The following TMCC1 variants were observed in gnomAD, a reference collection of about 807,000 sequenced individuals.
The protein encoded by TMCC1 is transmembrane and coiled-coil domains protein 1.
In TMCC1, 15 loss-of-function variants were observed where a neutral mutation model predicts 52.4. The observed-to-expected ratio is 0.29, with a 90% CI of 0.19 to 0.44. The LOEUF (loss-of-function observed/expected upper bound fraction) is 0.44, where lower values mean the gene tolerates loss of function less well. Ranked by LOEUF, TMCC1 falls within the 20% of genes least tolerant of loss-of-function variation. The probability of loss-of-function intolerance (pLI) is 1.00; values close to 1 mark genes in which losing one functional copy is unlikely to be tolerated. For synonymous variants in TMCC1, 279 were observed against 301.9 expected (o/e 0.92, Z 0.79); for missense variants, 503 against 806.0 (o/e 0.62, Z 4.55).
chr3:129,860,077 C>T (rs1026080538), intron 2 of TMCC1, among the ~76,000 whole-genome samples: 3 of 152,148 alleles, frequency 2.0e-5, no homozygotes, highest in Non-Finnish European at 4.4e-5. Context: ...TAATCTAACA[C>T]AAATATTCAA....
intron 4 of TMCC1, among the ~76,000 whole-genome samples, chr3:129,785,798 CT>C (rs2055973933): frequency 6.6e-6 from 1 of 152,080 alleles, no homozygotes; most frequent in Non-Finnish European, 1.5e-5. Context: ...AGATTTACCC[CT>C]CTATTCCCTC....
At chr3:129,782,131 G>A (rs2107727578) in intron 4 of TMCC1, among the ~76,000 whole-genome samples, 1 of 152,250 alleles carries the variant, frequency 6.6e-6, no homozygotes, top group Middle Eastern at 3.4e-3. Context: ...TGTCAAACAG[G>A]CAGCTGAGTT....
intron 4 of TMCC1, among the ~76,000 whole-genome samples, chr3:129,814,605 T>A (rs2058003383): frequency 1.3e-5 from 2 of 152,116 alleles, no homozygotes; most frequent in South Asian, 4.1e-4. Context: ...AGGCATAAAG[T>A]GGCTGAATGG....
chr3:129,816,766 G>A (rs938742779), intron 4 of TMCC1, among the ~76,000 whole-genome samples: 2 of 152,176 alleles, frequency 1.3e-5, no homozygotes, highest in African/African-American at 4.8e-5. Flanking sequence ...GCTCATGCTT[G>A]TAATCCTAAC....
At chr3:129,808,510 T>A (rs542163789) in intron 4 of TMCC1, among the ~76,000 whole-genome samples, 80 of 149,880 alleles carry the variant, frequency 5.3e-4, no homozygotes, top group African/African-American at 1.7e-3. Context: ...TAATAAAATT[T>A]AAAAAAAAGA....
intron 4 of TMCC1, among the ~76,000 whole-genome samples, chr3:129,737,295 A>G (rs79694774): frequency 0.042 from 6,380 of 152,192 alleles, 443 homozygotes; most frequent in African/African-American, 0.15. Flanking sequence ...TCTGGCCAAC[A>G]TGGCAAAACC....
intron 4 of TMCC1, among the ~76,000 whole-genome samples, chr3:129,742,688 G>T (rs921579254): frequency 6.6e-6 from 1 of 152,162 alleles, no homozygotes; most frequent in Non-Finnish European, 1.5e-5. Context: ...ACACCCAGGA[G>T]AAATGAATAA....
chr3:129,865,036 A>G (rs1046628938), intron 2 of TMCC1, among the ~76,000 whole-genome samples: 2 of 152,226 alleles, frequency 1.3e-5, no homozygotes, highest in Admixed American at 1.3e-4. Context: ...TAGGTAGGGA[A>G]ACACCACAAA....
chr3:129,732,645 T>C (rs2050633108), intron 4 of TMCC1, among the ~76,000 whole-genome samples: 1 of 152,094 alleles, frequency 6.6e-6, no homozygotes, highest in African/African-American at 2.4e-5. Flanking sequence ...ATTTCCATAA[T>C]AGTGCCTTTG....
At chr3:129,891,541 G>C (rs2108022444) in intron 1 of TMCC1, among the ~76,000 whole-genome samples, 1 of 152,216 alleles carries the variant, frequency 6.6e-6, no homozygotes, top group Admixed American at 6.5e-5. Context: ...CAAAAACCCT[G>C]GTATGTACTG....
In TMCC1 at chr3:129,828,456, T is replaced by C; in HGVS notation, c.-78A>G. ...CAAGAGTGTCAAATTAGGTAGGCAT[T>C]TGCTTCAACAGTGACTACGCATGCA... is the stretch of plus-strand genomic sequence containing the variant. On this transcript the variant is annotated 5_prime_UTR_variant, in exon 4 of 7. Transcript: ENST00000393238. This position sits in a 1 kb window ranked among gnomAD's most constrained non-coding sequence, Gnocchi z 4.1. 7.1e-7 allele frequency: 1 copy of C among 1,400,144 alleles called. No homozygotes were observed. The highest frequency in any genetic ancestry group is 9.8e-7 in the Non-Finnish European group (1 of 1,016,278). The allele number at this position is 1,400,144 out of a possible 1,614,324, so 86.7% of individuals were successfully genotyped here.
intron 4 of TMCC1, among the ~76,000 whole-genome samples, chr3:129,779,958 C>T (rs900412388): frequency 6.6e-6 from 1 of 152,128 alleles, no homozygotes; most frequent in African/African-American, 2.4e-5. Flanking sequence ...AGAGTTTATT[C>T]AATCATATTT....
chr3:129,728,880 G>A (rs1212113335), intron 4 of TMCC1, among the ~76,000 whole-genome samples: 3 of 152,156 alleles, frequency 2.0e-5, no homozygotes, highest in Admixed American at 1.3e-4. Flanking sequence ...GATGCATAAA[G>A]GATGATGCAT....
rs2056458931 is a variant in TMCC1 at position 129,791,459 on chromosome 3, A to G, written c.576+36344T>C. Among the ~76,000 whole-genome samples the G allele has an allele frequency of 3.3e-5, 5 of 152,172 alleles. No homozygotes were observed. The South Asian group carries it at 1.0e-3, about 32-fold the overall frequency. ...CAGAATGGGTTTGCTTGTTAGACCT[A>G]CGTTTGACTCGGCTTCCTATTGATC... On this transcript the variant is annotated intron_variant, in intron 4 of 6. Coordinates refer to ENST00000393238, the MANE Select transcript of TMCC1 (RefSeq NM_001017395.5).
intron 4 of TMCC1, among the ~76,000 whole-genome samples, chr3:129,773,350 T>C (rs544390669): frequency 1.3e-5 from 2 of 152,268 alleles, no homozygotes; most frequent in Middle Eastern, 3.4e-3. Context: ...AGAGGATAAA[T>C]ATATTTACAC....
chr3:129,726,114 G>C (rs1266332411), intron 4 of TMCC1, among the ~76,000 whole-genome samples: 2 of 152,064 alleles, frequency 1.3e-5, no homozygotes, highest in Non-Finnish European at 2.9e-5. Context: ...CATTAATATG[G>C]AACAAAAAGA....
chr3:129,663,243 G>A (rs1295598247), intron 5 of TMCC1, among the ~76,000 whole-genome samples: 1 of 152,154 alleles, frequency 6.6e-6, no homozygotes, highest in Non-Finnish European at 1.5e-5. Context: ...CCATCTCTGA[G>A]AACCAATGGT....
intron 4 of TMCC1, among the ~76,000 whole-genome samples, chr3:129,729,738 C>T (rs548260969): frequency 3.1e-4 from 47 of 152,264 alleles, no homozygotes; most frequent in African/African-American, 1.1e-3. Flanking sequence ...ATGGCTTAGC[C>T]TAACCTACCT....
chr3:129,740,245 A>G (rs1008204216), intron 4 of TMCC1, among the ~76,000 whole-genome samples: 9 of 152,168 alleles, frequency 5.9e-5, no homozygotes, highest in African/African-American at 9.7e-5. Context: ...ATCACTATGA[A>G]TTTCTATGCA....
Sources: gnomAD v4.1 joint callset for allele counts (sites outside exome capture counted in the v4.1 genomes callset) on GRCh38, gnomAD v4.1.1 for gene constraint, Gnocchi (gnomAD v3.1) non-coding constraint, MANE v1.5 for transcripts, NCBI Gene and HGNC (gene_info 2026-07-23, HGNC 2026-07-21) for gene names.